SCN7A: variants seen among roughly 807,000 people sequenced by gnomAD.
The protein encoded by SCN7A is sodium channel protein type 7 subunit alpha.
In SCN7A, 138 loss-of-function variants were observed where a neutral mutation model predicts 155.2. That is an observed-to-expected ratio of 0.89 (90% CI 0.77 to 1.02). The LOEUF is 1.02. Among genes scored for constraint, SCN7A ranks in the 50% least tolerant of loss-of-function variants. SCN7A has a pLI of 0.00. For synonymous variants in SCN7A, 693 were observed against 649.0 expected, an observed-to-expected ratio of 1.07 and a Z score of -1.03; for missense variants, 2,058 against 1,986.6, an observed-to-expected ratio of 1.04 and a Z score of -0.68.
rs556453626 is a variant in SCN7A, at chr2:166,406,557, G to A, written c.4072C>T (p.Arg1358Cys). 232 of 1,612,852 alleles carry A rather than the reference G, an allele frequency of 1.4e-4. 3 individuals carry two copies. The South Asian group carries it at 2.3e-3, about 16-fold the overall frequency. The change falls in exon 26 of 26, where the codon CGT (arginine) becomes TGT (cysteine). Residue 1358 changes from arginine (R) to cysteine (C), a missense_variant. Arg to Cys is a radical substitution (Grantham distance 180). Coordinates refer to ENST00000643258, the MANE Select transcript of SCN7A (RefSeq NM_002976.4). ...ILLSRIIHML[R>C]LGKGPKVFHN... is the part of the protein sequence containing the mutation. ...AACACCTTTGGTCCTTTTCCAAGAC[G>A]CAGCATGTGAATGATCCGTGAGAGA...
At chr2:166,463,156 C>T (rs1045585904) in intron 9 of SCN7A, among the ~76,000 whole-genome samples, 5 of 152,058 alleles carry the variant, frequency 3.3e-5, no homozygotes, top group Non-Finnish European at 4.4e-5. Flanking sequence ...AAACATTTAT[C>T]GCATCAATAA....
chr2:166,407,219 C>T (rs925406174), intron 25 of SCN7A, among the ~76,000 whole-genome samples: 1 of 151,894 alleles, frequency 6.6e-6, no homozygotes, highest in Non-Finnish European at 1.5e-5. Context: ...AGTACTGGGG[C>T]TCCAGGAACT....
Position 166,409,936 on chromosome 2 carries a change from C to T in SCN7A, c.3712-1G>A. On this transcript the variant is annotated splice_acceptor_variant, in intron 24 of 25. Coordinates refer to ENST00000643258, the MANE Select transcript of SCN7A (RefSeq NM_002976.4). LOFTEE classifies it high-confidence loss of function. ...CAAAGATGAATCCTTGGAGCTTGTT[C>T]TGTGGGTAAAATCAACAGGTGTAAT... 3.2e-6 allele frequency: 5 copies of T among 1,555,786 alleles called. No individual in the cohort carries two copies. Among genetic ancestry groups the T allele is most frequent in the Non-Finnish European group, 4.4e-6 (5 of 1,149,126 alleles).
chr2:166,410,837 T>G (rs1217297309), intron 23 of SCN7A, among the ~76,000 whole-genome samples: 1 of 152,018 alleles, frequency 6.6e-6, no homozygotes, highest in African/African-American at 2.4e-5. Flanking sequence ...ATAGCACGGT[T>G]GAGGGCTTAT....
At position 166,441,418 on chromosome 2, in the gene SCN7A, A is replaced by T. The variant is rs1701956554; in HGVS notation, c.2135T>A (p.Val712Asp). 1 of 1,589,776 alleles carries T rather than the reference A, an allele frequency of 6.3e-7. No homozygotes were observed. Among genetic ancestry groups the T allele is most frequent in the Non-Finnish European group, 8.6e-7 (1 of 1,168,470 alleles). Residue 712 changes from valine to aspartate, a missense_variant, in exon 15 of 26, where the codon GTC becomes GAC. Coordinates refer to ENST00000643258, the MANE Select transcript of SCN7A (RefSeq NM_002976.4). ...QSWCIPFYLMVILIGNLLVLY... is the reference protein window; with the variant it reads ...QSWCIPFYLMDILIGNLLVLY... Reference sequence around the variant, plus strand: ...TACCAGTAAATTTCCAATTAAAATGACCATCAGGTAAAAAGGAATACACCA... The same window carrying T: ...TACCAGTAAATTTCCAATTAAAATGTCCATCAGGTAAAAAGGAATACACCA...
At chr2:166,480,082 A>C (rs1575065698) in intron 2 of SCN7A, among the ~76,000 whole-genome samples, 1 of 152,338 alleles carries the variant, frequency 6.6e-6, no homozygotes, top group Admixed American at 6.5e-5. Context: ...AGGGGAGCCA[A>C]GATGCTCTGA....
chr2:166,458,406 T>C (rs1702331849), intron 10 of SCN7A, among the ~76,000 whole-genome samples: 1 of 151,868 alleles, frequency 6.6e-6, no homozygotes, highest in African/African-American at 2.4e-5. Flanking sequence ...GGGTTCCATA[T>C]CTGTGGATTC....
chr2:166,406,309 A>G lies in SCN7A; in HGVS notation c.4320T>C (p.Leu1440=). 1 of 1,613,166 alleles carries G rather than the reference A, an allele frequency of 6.2e-7. No homozygotes were observed. Among genetic ancestry groups the G allele is most frequent in the Non-Finnish European group, 8.5e-7 (1 of 1,179,414 alleles). The stretch of plus-strand genomic sequence containing the variant: ...ACCATTTACTGTTGAAAATTGCATC[A>G]AGCATCCCATCCCAACCAGCAAATA... ...VAIFAGWDGM[L]DAIFNSKWSD... Residue 1440 remains leucine, a synonymous_variant, in exon 26 of 26, where the codon CTT becomes CTC. Transcript: ENST00000643258.
Position 166,405,765 on chromosome 2 carries a change from G to A in SCN7A, c.4864C>T (p.Arg1622Ter), listed in dbSNP as rs571278405. 2.0e-4 allele frequency: 319 copies of A among 1,612,834 alleles called. 6 individuals carry two copies. The South Asian group carries it at 3.1e-3, about 16-fold the overall frequency. Residue 1622 changes from arginine to a stop codon, truncating the protein, a stop_gained, in exon 26 of 26, where the codon CGA becomes TGA. Coordinates refer to ENST00000643258, the MANE Select transcript of SCN7A (RefSeq NM_002976.4). LOFTEE classifies it low-confidence loss of function (END_TRUNC). ...TCEPITTTLK[R>*]KQEAVSATII... is the part of the protein sequence containing the mutation. ...GTTGCTGAAACTGCCTCTTGTTTTC[G>A]TTTCAAAGTAGTCGTAATTGGCTCA...
At chr2:166,463,008 A>G (rs1702448745) in intron 9 of SCN7A, among the ~76,000 whole-genome samples, 1 of 152,182 alleles carries the variant, frequency 6.6e-6, no homozygotes, top group Non-Finnish European at 1.5e-5. Context: ...CTACTCCAAT[A>G]TTAAAGGGGA....
rs1248826539 is a variant in SCN7A at position 166,462,426 on chromosome 2, A to T, written c.1046T>A (p.Leu349Ter). 3.1e-6 allele frequency: 5 copies of T among 1,605,990 alleles called. No homozygotes were observed. The highest frequency in any genetic ancestry group is 4.3e-6 in the Non-Finnish European group (5 of 1,175,894). ...FGWALFALFR[L>*]MAQDYPEVLY... ...TACTTCAGGGTAATCCTGAGCCATTAACCGAAATAGGGCAAATAAGGCCCA... is the reference window on the plus strand; with the variant it reads ...TACTTCAGGGTAATCCTGAGCCATTTACCGAAATAGGGCAAATAAGGCCCA... Residue 349 changes from leucine (L) to a stop codon, truncating the protein, a stop_gained, in exon 10 of 26, where the codon TTA (leucine) becomes TAA (stop). Transcript: ENST00000643258. LOFTEE classifies it high-confidence loss of function.
At chr2:166,419,131 G>T (rs140511668) in intron 20 of SCN7A, among the ~76,000 whole-genome samples, 4 of 152,104 alleles carry the variant, frequency 2.6e-5, no homozygotes, top group Admixed American at 2.6e-4. Flanking sequence ...TGCTGATTTT[G>T]TTACTTTTTT....
intron 11 of SCN7A, among the ~76,000 whole-genome samples, chr2:166,449,749 C>T (rs548939628): frequency 6.6e-6 from 1 of 152,036 alleles, no homozygotes; most frequent in African/African-American, 2.4e-5. Flanking sequence ...AATAAGAAAT[C>T]ATCTCCCACC....
intron 7 of SCN7A, among the ~76,000 whole-genome samples, chr2:166,467,314 T>A (rs1702555936): frequency 6.6e-6 from 1 of 151,886 alleles, no homozygotes; most frequent in African/African-American, 2.4e-5. Flanking sequence ...TCCAAACTTT[T>A]AAAATAGGTG....
intron 16 of SCN7A, among the ~76,000 whole-genome samples, chr2:166,431,853 G>A (rs1326214682): frequency 6.6e-6 from 1 of 152,058 alleles, no homozygotes; most frequent in Admixed American, 6.6e-5. Context: ...AGAAGGAATT[G>A]TAGCACTCTT....
chr2:166,429,186 G>T lies in SCN7A; in HGVS notation c.2681C>A (p.Ser894Ter). The T allele has an allele frequency of 6.5e-7, 1 of 1,532,596 alleles. No homozygotes were observed. The highest frequency in any genetic ancestry group is 1.2e-5 in the South Asian group (1 of 80,910). The allele number at this position is 1,532,596 out of a possible 1,614,324, so 94.9% of individuals were successfully genotyped here. Reference sequence around the variant, plus strand: ...TTTCTTACCATTTTTCAGATGCTTTGATCTTTCACCTCCATAGAACATTTC... The same window carrying T: ...TTTCTTACCATTTTTCAGATGCTTTTATCTTTCACCTCCATAGAACATTTC... ...EEEMFYGGERSKHLKNGCRRG... is the reference protein window; with the variant it reads ...EEEMFYGGER Residue 894 changes from serine (S) to a stop codon, truncating the protein, a stop_gained, in exon 17 of 26, where the codon TCA becomes TAA. Coordinates refer to ENST00000643258, the MANE Select transcript of SCN7A (RefSeq NM_002976.4). LOFTEE classifies it high-confidence loss of function.
rs375146552 is a variant in SCN7A at position 166,405,628 on chromosome 2, G to A, written c.5001C>T (p.Ala1667=). Reference sequence around the variant, plus strand: ...ACTTTTCCTTAGCTTTGTCAAAATAGGCACCTTCTTTAGTAGCATGAACAT... The same window carrying A: ...ACTTTTCCTTAGCTTTGTCAAAATAAGCACCTTCTTTAGTAGCATGAACAT... ...DRDVHATKEG[A]YFDKAKEKSP... Residue 1667 remains alanine (A), a synonymous_variant, in exon 26 of 26, where the codon GCC becomes GCT. Transcript: ENST00000643258. 6.2e-7 allele frequency: 1 copy of A among 1,607,360 alleles called. No homozygotes were observed. The highest frequency in any genetic ancestry group is 1.1e-5 in the South Asian group (1 of 89,784).
chr2:166,464,170 G>A (rs1559118970), intron 9 of SCN7A, among the ~76,000 whole-genome samples: 8 of 150,168 alleles, frequency 5.3e-5, no homozygotes, highest in Non-Finnish European at 1.2e-4. Context: ...ACATATGTGT[G>A]TATATATATG....
chr2:166,439,053 G>GTATATATA (rs1283353813), intron 15 of SCN7A, among the ~76,000 whole-genome samples: 992 of 85,894 alleles, frequency 0.012, 7 homozygotes, highest in African/African-American at 0.041. Flanking sequence ...GTGTGTGTGT[G>GTATATATA]TGTATATATA....
Sources: gnomAD v4.1 joint callset for allele counts (sites outside exome capture counted in the v4.1 genomes callset) on GRCh38, gnomAD v4.1.1 for gene constraint, MANE v1.5 for transcripts, NCBI Gene and HGNC (gene_info 2026-07-23, HGNC 2026-07-21) for gene names.